Variants in INTS7 observed in about 807,000 individuals in gnomAD.
The protein encoded by INTS7 is integrator complex subunit 7.
INTS7 carries 46 observed loss-of-function variants against 109.2 expected under a neutral mutation model. The ratio of observed to expected loss-of-function variants is 0.42; its 90% CI spans 0.33 to 0.54. The LOEUF is 0.54. INTS7 is among the 20% of genes least tolerant of loss of function. The pLI is 0.07. For synonymous variants in INTS7, 412 were observed against 402.9 expected (o/e 1.02, Z -0.27); for missense variants, 929 against 1,132.4 (o/e 0.82, Z 2.58).
intron 12 of INTS7, 32 bp downstream of exon 12, chr1:211,976,550 C>A: frequency 1.3e-6 from 2 of 1,579,998 alleles, no homozygotes; most frequent in South Asian, 1.2e-5. Flanking sequence ...ACATTTCCAG[C>A]AACCCAGTTC....
intron 16 of INTS7, among the ~76,000 whole-genome samples, chr1:211,956,940 A>G (rs1432969617): frequency 6.6e-6 from 1 of 152,222 alleles, no homozygotes; most frequent in Non-Finnish European, 1.5e-5. Flanking sequence ...TCGGTAGAAC[A>G]GTAGGAATAG....
chr1:212,004,213 A>G (rs1039567245), intron 7 of INTS7, among the ~76,000 whole-genome samples: 2 of 152,116 alleles, frequency 1.3e-5, no homozygotes, highest in Non-Finnish European at 2.9e-5. Flanking sequence ...GTGGTGGCAC[A>G]TGCCTGTAGT....
rs1667404862 is a variant in INTS7, at chr1:212,035,520, T to G, written c.-83A>C. On this transcript the variant is annotated 5_prime_UTR_variant, in exon 1 of 20. Transcript: ENST00000366994. ...CCGCCATCTTCCCCCGCCGCCTTCTTGCTGGTTTTTCTTCCGCGCGCTGTC... is the reference window on the plus strand; with the variant it reads ...CCGCCATCTTCCCCCGCCGCCTTCTGGCTGGTTTTTCTTCCGCGCGCTGTC... The G allele has an allele frequency of 1.8e-6, 2 of 1,098,814 alleles. No homozygotes were observed. The highest frequency in any genetic ancestry group is 2.5e-5 in the South Asian group (2 of 79,578). The allele number at this position is 1,098,814 out of a possible 1,614,324, so 68.1% of individuals were successfully genotyped here.
intron 16 of INTS7, among the ~76,000 whole-genome samples, chr1:211,960,568 TA>T: frequency 6.6e-6 from 1 of 152,138 alleles, no homozygotes; most frequent in East Asian, 1.9e-4. Context: ...ACAATAAAAT[TA>T]TACAGGAGCC....
intron 7 of INTS7, among the ~76,000 whole-genome samples, chr1:211,991,438 T>C (rs1299143742): frequency 6.6e-6 from 1 of 152,056 alleles, no homozygotes; most frequent in Admixed American, 6.6e-5. Context: ...TCTAGAAAAA[T>C]ATACAAAAAA....
intron 17 of INTS7, chr1:211,952,329 G>T: frequency 2.9e-6 from 1 of 350,678 alleles, no homozygotes; most frequent in South Asian, 9.7e-5. Flanking sequence ...TTGCATTCTG[G>T]TAGAGCAGAT....
In INTS7 at chr1:211,968,513, C is replaced by T; in HGVS notation, c.2010G>A (p.Gln670=). The T allele has an allele frequency of 6.2e-7, 1 of 1,609,818 alleles. No individual in the cohort carries two copies. Among genetic ancestry groups the T allele is most frequent in the Non-Finnish European group, 8.5e-7 (1 of 1,177,978 alleles). ...AAATGCACTGAAAGTTAAGACATGC[C>T]TGATTGGAGATGCGACCACACCTCT... ...DLQRCGRISN[Q]MKQSMEEFRS... The change falls in exon 14 of 20, where the codon CAG becomes CAA. Residue 670 remains glutamine (Q), a splice_region_variant and synonymous_variant. Transcript: ENST00000366994.
intron 13 of INTS7, among the ~76,000 whole-genome samples, chr1:211,974,581 A>C (rs1360215451): frequency 1.3e-5 from 2 of 152,092 alleles, no homozygotes; most frequent in Non-Finnish European, 2.9e-5. Flanking sequence ...CATTAATACA[A>C]AAAATGCTGA....
chr1:211,962,658 GAA>G (rs771754236), intron 16 of INTS7, among the ~76,000 whole-genome samples: 4 of 152,082 alleles, frequency 2.6e-5, no homozygotes, highest in Admixed American at 2.0e-4. Context: ...AAATGAAAAA[GAA>G]TGAAAATAAT....
In INTS7 at chr1:212,020,984, C is replaced by T. The variant is rs986077490; in HGVS notation, c.224+99G>A. The T allele has an allele frequency of 8.4e-6, 9 of 1,077,160 alleles. No homozygotes were observed. The Admixed American group carries it at 2.2e-4, about 26-fold the overall frequency. The allele number at this position is 1,077,160 out of a possible 1,614,324, so 66.7% of individuals were successfully genotyped here. ...TGTGTGTCCACTAATGGTAACTAAC[C>T]AGGTGGAAGTACTAAAAGGCAAAAA... On this transcript the variant is annotated intron_variant, in intron 2 of 19. Coordinates refer to ENST00000366994, the MANE Select transcript of INTS7 (RefSeq NM_015434.4).
intron 16 of INTS7, among the ~76,000 whole-genome samples, chr1:211,962,065 T>A (rs1663656436): frequency 6.6e-6 from 1 of 152,076 alleles, no homozygotes; most frequent in African/African-American, 2.4e-5. Context: ...AATGCCCCAA[T>A]TACAAGGCAC....
intron 16 of INTS7, among the ~76,000 whole-genome samples, chr1:211,957,695 G>A (rs1663432260): frequency 6.6e-6 from 1 of 152,084 alleles, no homozygotes; most frequent in African/African-American, 2.4e-5. Context: ...CTTAACAAAA[G>A]CAGATTTAAA....
chr1:211,984,581 A>T (rs2102432642), intron 8 of INTS7, among the ~76,000 whole-genome samples: 1 of 152,266 alleles, frequency 6.6e-6, no homozygotes, highest in East Asian at 1.9e-4. Flanking sequence ...TTTTCTAGGA[A>T]TAAGATTATT....
At position 211,942,321 on chromosome 1, in the gene INTS7, T is replaced by C. The variant is rs1662665401; in HGVS notation, c.2602-210A>G. ...ACATGATTAGTGAACGGAGTAGGAA[T>C]CTGAACACAGGCAGACTACCTCCAG... On this transcript the variant is annotated intron_variant, in intron 19 of 19. Transcript: ENST00000366994. The surrounding 1 kb of genome is among the most constrained non-coding windows in gnomAD (Gnocchi z 4.2). Among the ~76,000 whole-genome samples, 1 of 152,150 alleles carries C rather than the reference T, an allele frequency of 6.6e-6. No homozygotes were observed. Among genetic ancestry groups the C allele is most frequent in the South Asian group, 2.1e-4 (1 of 4,824 alleles).
intron 7 of INTS7, among the ~76,000 whole-genome samples, chr1:211,988,337 G>A (rs1054200044): frequency 8.6e-5 from 13 of 151,274 alleles, no homozygotes; most frequent in African/African-American, 2.9e-4. Flanking sequence ...CAGAAGGATC[G>A]CTCAAGCCCA....
chr1:212,018,103 C>A (rs1666520756), intron 3 of INTS7, among the ~76,000 whole-genome samples: 1 of 152,122 alleles, frequency 6.6e-6, no homozygotes, highest in South Asian at 2.1e-4. Context: ...ATATGGCAAA[C>A]CTCCTAAGGC....
intron 16 of INTS7, among the ~76,000 whole-genome samples, chr1:211,954,858 T>C (rs1402761642): frequency 3.3e-5 from 5 of 152,244 alleles, no homozygotes; most frequent in Admixed American, 3.3e-4. Context: ...TCTTTTGGTT[T>C]AGGATTGACT....
intron 7 of INTS7, among the ~76,000 whole-genome samples, chr1:212,005,992 T>A (rs746126796): frequency 6.6e-6 from 1 of 152,212 alleles, no homozygotes; most frequent in Non-Finnish European, 1.5e-5. Context: ...GGAGTCATGA[T>A]GAAGCTGAGA....
intron 9 of INTS7, 123 bp from the exon 10 acceptor site, chr1:211,981,313 A>G: frequency 1.8e-6 from 1 of 547,096 alleles, no homozygotes; most frequent in South Asian, 3.3e-5. Context: ...GGGAATTATT[A>G]AATGGATGAA....
Sources: allele counts gnomAD v4.1 joint callset (sites outside exome capture counted in the v4.1 genomes callset), GRCh38; gene constraint gnomAD v4.1.1; non-coding constraint Gnocchi (gnomAD v3.1); transcripts MANE v1.5; gene names NCBI Gene and HGNC (gene_info 2026-07-23, HGNC 2026-07-21).